CPED1: variants seen among roughly 807,000 people sequenced by gnomAD.
CPED1 encodes the protein cadherin like and PC-esterase domain containing 1, also known as cadherin-like and PC-esterase domain-containing protein 1.
In CPED1, 114 loss-of-function variants were observed where a neutral mutation model predicts 128.2. The observed-to-expected ratio is 0.89, with a 90% confidence interval of 0.76 to 1.04. The LOEUF is 1.04. CPED1 is among the 50% of genes least tolerant of loss of function. The pLI is 0.00. For missense variants in CPED1, 1,211 were observed against 1,207.1 expected, an observed-to-expected ratio of 1.00 and a Z score of -0.05; for synonymous variants, 462 against 426.7, an observed-to-expected ratio of 1.08 and a Z score of -1.02.
intron 16 of CPED1, among the ~76,000 whole-genome samples, chr7:121,232,397 A>G (rs75956426): frequency 0.065 from 9,959 of 152,156 alleles, 432 homozygotes; most frequent in Non-Finnish European, 0.08. Context: ...TGGTCCATGC[A>G]TGAGGGTGCT....
At chr7:121,120,422 A>G (rs1001791479) in intron 7 of CPED1, among the ~76,000 whole-genome samples, 1 of 152,172 alleles carries the variant, frequency 6.6e-6, no homozygotes. Flanking sequence ...TCTTTTTAAT[A>G]TGATGCTGGT....
intron 5 of CPED1, among the ~76,000 whole-genome samples, chr7:121,073,048 C>T (rs1353735838): frequency 5.3e-5 from 8 of 152,110 alleles, no homozygotes; most frequent in Admixed American, 4.6e-4. Context: ...ACACCTCGTG[C>T]ACTTGAAGAC....
In CPED1 at chr7:121,296,103, T is replaced by C. The variant is rs1353782379; in HGVS notation, c.*451T>C. On this transcript the variant is annotated 3_prime_UTR_variant, in exon 23 of 23. Transcript: ENST00000310396. ...TGGCAAGTAGAAGTTGTCCTTTCAT[T>C]CTTTACCAGGAGAAAATGTGATGTT... The C allele has an allele frequency of 6.5e-6, 1 of 153,566 alleles. No individual in the cohort carries two copies. The highest frequency in any genetic ancestry group is 1.9e-4 in the East Asian group (1 of 5,232). 9.5% of individuals were successfully genotyped at this position (153,566 alleles called of 1,614,324 possible). A position where few individuals can be genotyped will look rare whatever the true frequency, so the allele number is the denominator to read the frequency against.
chr7:121,243,411 G>A (rs893491294), intron 17 of CPED1, among the ~76,000 whole-genome samples: 1 of 152,142 alleles, frequency 6.6e-6, no homozygotes, highest in South Asian at 2.1e-4. Context: ...TTGCATGAAT[G>A]TTGTTTTATC....
intron 3 of CPED1, among the ~76,000 whole-genome samples, chr7:121,037,926 T>G (rs1792942254): frequency 6.6e-6 from 1 of 152,178 alleles, no homozygotes; most frequent in African/African-American, 2.4e-5. Flanking sequence ...GTTCTTGATT[T>G]GATTCTCAGC....
chr7:121,128,030 AT>A (rs890493106), intron 10 of CPED1, among the ~76,000 whole-genome samples: 12 of 151,442 alleles, frequency 7.9e-5, no homozygotes, highest in African/African-American at 1.5e-4. Flanking sequence ...TTATAATGCT[AT>A]TTTTTTTTAA....
chr7:121,121,966 A>G (rs1795400916), intron 7 of CPED1, among the ~76,000 whole-genome samples: 1 of 152,166 alleles, frequency 6.6e-6, no homozygotes, highest in Non-Finnish European at 1.5e-5. Context: ...AGTCTAAGTG[A>G]GTTAGTTACA....
intron 5 of CPED1, among the ~76,000 whole-genome samples, chr7:121,085,153 G>A (rs904574534): frequency 1.3e-5 from 2 of 152,176 alleles, no homozygotes; most frequent in Non-Finnish European, 2.9e-5. Context: ...GCCCACCAAA[G>A]GCACTCTGCC....
At chr7:121,041,606 A>G (rs1265660160) in intron 3 of CPED1, among the ~76,000 whole-genome samples, 5 of 152,126 alleles carry the variant, frequency 3.3e-5, no homozygotes, top group African/African-American at 4.8e-5. Context: ...TTATCAGCGA[A>G]GGAGGTCATT....
chr7:121,034,607 A>T (rs942455823), intron 3 of CPED1, among the ~76,000 whole-genome samples: 2 of 152,142 alleles, frequency 1.3e-5, no homozygotes, highest in Admixed American at 6.6e-5. Flanking sequence ...ACTGTTATTA[A>T]ATAAGAGCTA....
intron 10 of CPED1, among the ~76,000 whole-genome samples, chr7:121,127,873 A>G (rs1795547088): frequency 6.6e-6 from 1 of 151,902 alleles, no homozygotes; most frequent in African/African-American, 2.4e-5. Context: ...TTTATTTTTT[A>G]ATTTTTTCTT....
chr7:121,271,762 G>T (rs1384966610), intron 22 of CPED1, among the ~76,000 whole-genome samples: 2 of 152,028 alleles, frequency 1.3e-5, no homozygotes, highest in African/African-American at 4.8e-5. Context: ...CAAAAAAAAG[G>T]TGGCAAAGGT....
chr7:121,008,695 C>A (rs1792087164), intron 2 of CPED1, among the ~76,000 whole-genome samples: 1 of 151,994 alleles, frequency 6.6e-6, no homozygotes, highest in Non-Finnish European at 1.5e-5. Context: ...TTTAACAAAC[C>A]AGAACTCTTA....
At chr7:121,182,039 A>G (rs1480528858) in intron 16 of CPED1, among the ~76,000 whole-genome samples, 2 of 152,062 alleles carry the variant, frequency 1.3e-5, no homozygotes, top group African/African-American at 4.8e-5. Context: ...CAGCTGTCAC[A>G]CAAGCTTACT....
At chr7:121,186,733 G>T (rs1797013123) in intron 16 of CPED1, among the ~76,000 whole-genome samples, 1 of 152,020 alleles carries the variant, frequency 6.6e-6, no homozygotes, top group Non-Finnish European at 1.5e-5. Flanking sequence ...AGTGGTTCTG[G>T]TTTCATCAAG....
chr7:121,073,985 G>A (rs146131329), intron 5 of CPED1, among the ~76,000 whole-genome samples: 1 of 152,216 alleles, frequency 6.6e-6, no homozygotes, highest in African/African-American at 2.4e-5. Flanking sequence ...GGCATCTTCA[G>A]TGGTGTAATC....
At chr7:121,065,980 C>T (rs1314911451) in intron 5 of CPED1, among the ~76,000 whole-genome samples, 1 of 151,894 alleles carries the variant, frequency 6.6e-6, no homozygotes, top group Non-Finnish European at 1.5e-5. Flanking sequence ...ATTTTCTGAT[C>T]TAAGTTTTAT....
intron 16 of CPED1, among the ~76,000 whole-genome samples, chr7:121,217,096 A>T (rs1163170441): frequency 6.6e-6 from 1 of 151,638 alleles, no homozygotes; most frequent in Non-Finnish European, 1.5e-5. Context: ...TCCCTCTGCC[A>T]CCCAAGCTGG....
At chr7:121,008,637 A>C (rs1428571113) in intron 2 of CPED1, among the ~76,000 whole-genome samples, 1 of 152,220 alleles carries the variant, frequency 6.6e-6, no homozygotes, top group African/African-American at 2.4e-5. Flanking sequence ...ATTAATCAGA[A>C]TCAAAAGACT....
Sources: allele counts gnomAD v4.1 joint callset (sites outside exome capture counted in the v4.1 genomes callset), GRCh38; gene constraint gnomAD v4.1.1; transcripts MANE v1.5; gene names NCBI Gene and HGNC (gene_info 2026-07-23, HGNC 2026-07-21).